The following CCDC178 variants were observed in gnomAD, a reference collection of about 807,000 sequenced individuals.
CCDC178 encodes the protein coiled-coil domain containing 178, also known as coiled-coil domain-containing protein 178.
In CCDC178, 126 loss-of-function variants were observed where a neutral mutation model predicts 117.4. That is an observed-to-expected ratio of 1.07 (90% CI 0.93 to 1.24). The LOEUF is 1.24. CCDC178 is among the 50% of genes most tolerant of loss of function. The probability of loss-of-function intolerance (pLI) is 0.00; values close to 1 mark genes in which losing one functional copy is unlikely to be tolerated. For synonymous variants in CCDC178, 283 were observed against 313.4 expected, an observed-to-expected ratio of 0.90 and a Z score of 1.02; for missense variants, 1,030 against 986.9, an observed-to-expected ratio of 1.04 and a Z score of -0.59.
chr18:33,224,162 G>C (rs1443828053), intron 17 of CCDC178, among the ~76,000 whole-genome samples: 4 of 152,224 alleles, frequency 2.6e-5, no homozygotes, highest in Middle Eastern at 3.4e-3. Context: ...GTGCCGAAAT[G>C]TCTCAAATAA....
intron 21 of CCDC178, among the ~76,000 whole-genome samples, chr18:33,056,950 C>CTTT (rs5823883): frequency 5.6e-5 from 8 of 142,210 alleles, no homozygotes; most frequent in African/African-American, 1.8e-4. Flanking sequence ...TAAGTTTTTC[C>CTTT]TTTTTTTTTT....
chr18:33,109,635 C>T (rs1281655896), intron 20 of CCDC178, among the ~76,000 whole-genome samples: 2 of 151,544 alleles, frequency 1.3e-5, no homozygotes, highest in Non-Finnish European at 3.0e-5. Context: ...TCACTCATCT[C>T]CATTCCCAGT....
chr18:33,156,192 G>A (rs1272710800), intron 20 of CCDC178, among the ~76,000 whole-genome samples: 1 of 148,094 alleles, frequency 6.8e-6, no homozygotes, highest in Non-Finnish European at 1.5e-5. Flanking sequence ...AGGTTCAAGC[G>A]ATTCTCCTGC....
intron 20 of CCDC178, among the ~76,000 whole-genome samples, chr18:33,160,539 G>A (rs2144378806): frequency 1.3e-5 from 2 of 152,176 alleles, no homozygotes; most frequent in East Asian, 3.9e-4. Flanking sequence ...ATTCTCTAAT[G>A]TTCTCCTTTA....
intron 7 of CCDC178, among the ~76,000 whole-genome samples, chr18:33,351,255 C>A (rs570119814): frequency 1.3e-4 from 20 of 151,620 alleles, no homozygotes; most frequent in Non-Finnish European, 2.6e-4. Flanking sequence ...TGCAGTGGAG[C>A]GATCTTGGCT....
chr18:33,013,903 G>A (rs2055925756), intron 21 of CCDC178, among the ~76,000 whole-genome samples: 1 of 152,202 alleles, frequency 6.6e-6, no homozygotes, highest in African/African-American at 2.4e-5. Context: ...CGGAGAAGCA[G>A]TTCTAAAATG....
At chr18:33,208,244 C>T (rs1283201178) in intron 20 of CCDC178, among the ~76,000 whole-genome samples, 1 of 152,022 alleles carries the variant, frequency 6.6e-6, no homozygotes, top group Non-Finnish European at 1.5e-5. Context: ...ATAGTCTTTG[C>T]GACAGGAAGG....
rs79158147 is a variant in CCDC178, at chr18:33,424,547, T to C, written c.-22-12437A>G. 8.2e-3 allele frequency among the ~76,000 whole-genome samples: 1,243 copies of C among 152,268 alleles called. 15 individuals carry two copies. Among genetic ancestry groups the C allele is most frequent in the African/African-American group, 0.029 (1,192 of 41,552 alleles). ...CACTAGTGTCTGTAGAAGGTATAAC[T>C]ACCCTTCTGACGCTGTGCATAGGGC... On this transcript the variant is annotated intron_variant, in intron 2 of 22. Transcript: ENST00000383096.
chr18:33,043,386 C>T (rs569852580), intron 21 of CCDC178, among the ~76,000 whole-genome samples: 15 of 152,118 alleles, frequency 9.9e-5, no homozygotes, highest in African/African-American at 3.4e-4. Flanking sequence ...GAAAAGCATG[C>T]GATCTGGAAC....
At chr18:33,032,067 C>T (rs1257793683) in intron 21 of CCDC178, among the ~76,000 whole-genome samples, 1 of 152,106 alleles carries the variant, frequency 6.6e-6, no homozygotes, top group Admixed American at 6.6e-5. Context: ...TAGGGCTAGT[C>T]AGGACTGTGG....
intron 5 of CCDC178, among the ~76,000 whole-genome samples, chr18:33,377,875 A>G (rs961575840): frequency 1.3e-5 from 2 of 152,136 alleles, no homozygotes; most frequent in Non-Finnish European, 2.9e-5. Flanking sequence ...GACAGGTACA[A>G]TGATGCCTCC....
intron 21 of CCDC178, among the ~76,000 whole-genome samples, chr18:33,070,034 A>T (rs1413254375): frequency 1.3e-5 from 2 of 152,072 alleles, no homozygotes; most frequent in Non-Finnish European, 2.9e-5. Flanking sequence ...CAAATGCTGG[A>T]AATAATACAG....
intron 20 of CCDC178, among the ~76,000 whole-genome samples, chr18:33,140,539 C>T (rs1292793499): frequency 1.3e-5 from 2 of 152,072 alleles, no homozygotes; most frequent in Admixed American, 1.3e-4. Context: ...ATTTTACTGC[C>T]CTGCTGAATT....
At chr18:33,043,992 G>T (rs1165231580) in intron 21 of CCDC178, among the ~76,000 whole-genome samples, 3 of 151,128 alleles carry the variant, frequency 2.0e-5, no homozygotes, top group African/African-American at 7.3e-5. Context: ...TTTGGACTCA[G>T]AATTTTCTAG....
chr18:33,416,651 T>C (rs1166279857), intron 2 of CCDC178, among the ~76,000 whole-genome samples: 6 of 152,132 alleles, frequency 3.9e-5, no homozygotes, highest in Non-Finnish European at 7.3e-5. Flanking sequence ...TTGGAAACTA[T>C]GTGGGGAGCC....
At chr18:33,329,876 AGTGTGTGTGT>A (rs67627028) in intron 10 of CCDC178, among the ~76,000 whole-genome samples, 42 of 131,442 alleles carry the variant, frequency 3.2e-4, no homozygotes, top group African/African-American at 8.6e-4. Context: ...GAATTATTAG[AGTGTGTGTGT>A]GTGTGTGTGT....
chr18:33,045,458 G>C (rs1242477224), intron 21 of CCDC178, among the ~76,000 whole-genome samples: 2 of 152,134 alleles, frequency 1.3e-5, no homozygotes, highest in Non-Finnish European at 2.9e-5. Context: ...TAGCAGTTTA[G>C]AGTTATTGAA....
chr18:33,357,155 T>C (rs1462314439), intron 6 of CCDC178, among the ~76,000 whole-genome samples: 1 of 152,116 alleles, frequency 6.6e-6, no homozygotes, highest in Non-Finnish European at 1.5e-5. Context: ...AACTTGCATG[T>C]ATTGATTTAT....
chr18:33,177,693 T>G (rs575056477), intron 20 of CCDC178, among the ~76,000 whole-genome samples: 1 of 151,998 alleles, frequency 6.6e-6, no homozygotes, highest in Non-Finnish European at 1.5e-5. Context: ...TATAATGAAT[T>G]TGTCTACCTT....
Sources: allele counts gnomAD v4.1 joint callset (sites outside exome capture counted in the v4.1 genomes callset), GRCh38; gene constraint gnomAD v4.1.1; transcripts MANE v1.5; gene names NCBI Gene and HGNC (gene_info 2026-07-23, HGNC 2026-07-21).